ADGRL3: variants seen among roughly 807,000 people sequenced by gnomAD.
ADGRL3 encodes the protein adhesion G protein-coupled receptor L3, also known as calcium-independent alpha-latrotoxin receptor 3.
A neutral mutation model predicts 153.5 loss-of-function variants in ADGRL3; 62 were observed. The observed-to-expected ratio is 0.40, with a 90% confidence interval of 0.33 to 0.50. The LOEUF (loss-of-function observed/expected upper bound fraction) is 0.50, where lower values mean the gene tolerates loss of function less well. Ranked by LOEUF, ADGRL3 falls within the 20% of genes least tolerant of loss-of-function variation. The pLI is 0.47. For synonymous variants in ADGRL3, 710 were observed against 672.5 expected (o/e 1.06, Z -0.86); for missense variants, 1,641 against 1,859.4 (o/e 0.88, Z 2.16).
chr4:61,883,717 A>T (rs936575570), intron 9 of ADGRL3, among the ~76,000 whole-genome samples: 1 of 152,158 alleles, frequency 6.6e-6, no homozygotes, highest in Non-Finnish European at 1.5e-5. Flanking sequence ...ATGAGTTGGG[A>T]TGTGCCTAAC....
chr4:61,561,677 A>G (rs2098795724), intron 4 of ADGRL3, among the ~76,000 whole-genome samples: 1 of 152,168 alleles, frequency 6.6e-6, no homozygotes, highest in Admixed American at 6.5e-5. Flanking sequence ...TAGGAAACAC[A>G]CTAACAGTTG....
At chr4:61,321,709 A>C (rs1170441357) in intron 1 of ADGRL3, among the ~76,000 whole-genome samples, 1 of 151,922 alleles carries the variant, frequency 6.6e-6, no homozygotes, top group Non-Finnish European at 1.5e-5. Flanking sequence ...GTATCTAAAC[A>C]TGTCTAAACG....
intron 4 of ADGRL3, among the ~76,000 whole-genome samples, chr4:61,572,796 G>A (rs903149518): frequency 6.6e-6 from 1 of 151,896 alleles, no homozygotes; most frequent in African/African-American, 2.4e-5. Flanking sequence ...GCAAAATTAA[G>A]CACTTTGGAG....
chr4:61,494,400 G>T (rs1389677986), intron 2 of ADGRL3, among the ~76,000 whole-genome samples: 1 of 152,138 alleles, frequency 6.6e-6, no homozygotes, highest in Non-Finnish European at 1.5e-5. Flanking sequence ...GAATGTTGAG[G>T]TTTGTTAGGA....
chr4:61,857,008 CTT>C (rs2098280724), intron 9 of ADGRL3, among the ~76,000 whole-genome samples: 1 of 140,306 alleles, frequency 7.1e-6, no homozygotes, highest in Non-Finnish European at 1.5e-5. Flanking sequence ...TTCTTTCTTT[CTT>C]TCTTTCCTTC....
intron 5 of ADGRL3, among the ~76,000 whole-genome samples, chr4:61,660,458 A>C (rs969967819): frequency 1.3e-5 from 2 of 152,060 alleles, no homozygotes; most frequent in African/African-American, 4.8e-5. Context: ...TCCTTTTTTA[A>C]ATCTATTTTA....
At chr4:61,473,997 T>A (rs2098007886) in intron 2 of ADGRL3, among the ~76,000 whole-genome samples, 1 of 152,072 alleles carries the variant, frequency 6.6e-6, no homozygotes, top group Non-Finnish European at 1.5e-5. Context: ...AATAGGCATT[T>A]TGAGGGATCG....
chr4:61,971,269 T>C (rs1464600904), intron 17 of ADGRL3, among the ~76,000 whole-genome samples: 1 of 151,922 alleles, frequency 6.6e-6, no homozygotes, highest in Non-Finnish European at 1.5e-5. Flanking sequence ...AACTCGTCAT[T>C]TAGCATTAGG....
intron 2 of ADGRL3, among the ~76,000 whole-genome samples, chr4:61,452,184 A>G (rs2097683136): frequency 1.3e-5 from 2 of 152,140 alleles, no homozygotes; most frequent in South Asian, 2.1e-4. Flanking sequence ...CCTTCCTCCA[A>G]TGAGTAGTCG....
chr4:62,035,647 C>A (rs576933439), intron 23 of ADGRL3, among the ~76,000 whole-genome samples: 1 of 152,138 alleles, frequency 6.6e-6, no homozygotes, highest in East Asian at 1.9e-4. Flanking sequence ...TGTCCTCATT[C>A]TTTCCAGACA....
intron 19 of ADGRL3, among the ~76,000 whole-genome samples, chr4:61,985,899 A>G (rs1210475052): frequency 1.4e-5 from 1 of 73,670 alleles, no homozygotes; most frequent in East Asian, 3.7e-4. Flanking sequence ...GAAACAGACT[A>G]GGATTAGTAA....
At chr4:61,854,088 G>T (rs1451159951) in intron 9 of ADGRL3, among the ~76,000 whole-genome samples, 1 of 152,170 alleles carries the variant, frequency 6.6e-6, no homozygotes, top group Non-Finnish European at 1.5e-5. Context: ...GGAATTTATT[G>T]CCTCTTTATT....
intron 5 of ADGRL3, among the ~76,000 whole-genome samples, chr4:61,665,746 T>C (rs1375382353): frequency 1.3e-5 from 2 of 152,332 alleles, no homozygotes; most frequent in East Asian, 3.9e-4. Flanking sequence ...TTTCTATTTA[T>C]TGCTTACTGG....
intron 4 of ADGRL3, among the ~76,000 whole-genome samples, chr4:61,532,499 A>G (rs1454233292): frequency 1.3e-5 from 2 of 150,062 alleles, no homozygotes; most frequent in African/African-American, 4.9e-5. Context: ...TCAAGTACTC[A>G]TTTGTAAGTC....
intron 4 of ADGRL3, among the ~76,000 whole-genome samples, chr4:61,578,130 T>C (rs531385743): frequency 2.6e-5 from 4 of 152,206 alleles, no homozygotes; most frequent in Admixed American, 2.6e-4. Context: ...TGTGATATTC[T>C]TGTATTTCCT....
chr4:61,663,611 G>C (rs575528946), intron 5 of ADGRL3, among the ~76,000 whole-genome samples: 1 of 152,268 alleles, frequency 6.6e-6, no homozygotes, highest in East Asian at 1.9e-4. Flanking sequence ...CAAGTGGGAG[G>C]AATGAGCCCA....
At chr4:61,862,543 A>G (rs981026238) in intron 9 of ADGRL3, among the ~76,000 whole-genome samples, 1 of 152,166 alleles carries the variant, frequency 6.6e-6, no homozygotes, top group Non-Finnish European at 1.5e-5. Context: ...CTCCTCTCAC[A>G]CATGTTCCTT....
At position 61,939,214 on chromosome 4, in the gene ADGRL3, C is replaced by A. The variant is rs148065181; in HGVS notation, c.2419+3169C>A. On this transcript the variant is annotated intron_variant, in intron 15 of 26. Coordinates refer to ENST00000683033, the MANE Select transcript of ADGRL3 (RefSeq NM_001387552.1). ...TTAAGACAGGTAAAGATTGTGAATT[C>A]TTGTGTGTTTTCCTTAACATTGCAA... 6.6e-5 allele frequency among the ~76,000 whole-genome samples: 10 copies of A among 152,054 alleles called. 1 individual carries two copies. In the East Asian group the frequency reaches 1.7e-3, roughly 26 times the overall value.
rs1367849218 is a variant in ADGRL3 at position 61,668,749 on chromosome 4, T to C, written c.474-8077T>C. Among the ~76,000 whole-genome samples, 3 of 152,126 alleles carry C rather than the reference T, an allele frequency of 2.0e-5. No homozygotes were observed. The East Asian group carries it at 5.8e-4, about 29-fold the overall frequency. ...AAAAAAAAATGGAGGCCTGGCACAGTGGCTCACGCTTGTAATTCCAACACT... is the reference window on the plus strand; with the variant it reads ...AAAAAAAAATGGAGGCCTGGCACAGCGGCTCACGCTTGTAATTCCAACACT... On this transcript the variant is annotated intron_variant, in intron 5 of 26. Coordinates refer to ENST00000683033, the MANE Select transcript of ADGRL3 (RefSeq NM_001387552.1).
Sources: gnomAD v4.1 joint callset for allele counts (sites outside exome capture counted in the v4.1 genomes callset) on GRCh38, gnomAD v4.1.1 for gene constraint, MANE v1.5 for transcripts, NCBI Gene and HGNC (gene_info 2026-07-23, HGNC 2026-07-21) for gene names.